SGCD: variants seen among roughly 807,000 people sequenced by gnomAD.
SGCD encodes sarcoglycan delta.
In SGCD, 18 loss-of-function variants were observed where a neutral mutation model predicts 36.6. The observed-to-expected ratio is 0.49, with a 90% CI of 0.34 to 0.73. The LOEUF (loss-of-function observed/expected upper bound fraction) is 0.73, where lower values mean the gene tolerates loss of function less well. Among genes scored for constraint, SGCD ranks in the 30% least tolerant of loss-of-function variants. SGCD has a pLI of 0.01. For missense variants in SGCD, 387 were observed against 346.7 expected, an observed-to-expected ratio of 1.12 and a Z score of -0.92; for synonymous variants, 133 against 130.6, an observed-to-expected ratio of 1.02 and a Z score of -0.12.
At chr5:156,404,216 C>G (rs1012361815) in intron 3 of SGCD, among the ~76,000 whole-genome samples, 1 of 152,178 alleles carries the variant, frequency 6.6e-6, no homozygotes, top group Non-Finnish European at 1.5e-5. Flanking sequence ...CCTTCATCGG[C>G]TTACCTGTAT....
chr5:156,462,207 TA>T (rs149406899), intron 3 of SGCD, among the ~76,000 whole-genome samples: 31,094 of 152,024 alleles, frequency 0.2, 3,331 homozygotes, highest in Non-Finnish European at 0.23. Flanking sequence ...CAGATGACAA[TA>T]ACAATAAAAG....
At chr5:155,728,207 C>CT in the SGCD span, among the ~76,000 whole-genome samples, 2 of 152,116 alleles carry the variant, frequency 1.3e-5, no homozygotes, top group Admixed American at 6.5e-5. Flanking sequence ...CGCTCCCTCC[C>CT]TCCAGCCCCG....
chr5:156,205,035 G>T (rs530836500), intron 3 of SGCD, among the ~76,000 whole-genome samples: 1 of 152,190 alleles, frequency 6.6e-6, no homozygotes, highest in Admixed American at 6.5e-5. Context: ...AATATCAATT[G>T]CTGTTTTGCT....
intron 4 of SGCD, among the ~76,000 whole-genome samples, chr5:156,583,105 A>T (rs5020324): frequency 6.6e-6 from 1 of 152,190 alleles, no homozygotes; most frequent in Non-Finnish European, 1.5e-5. Flanking sequence ...AATTATGAAC[A>T]TTTTCATAAA....
At chr5:156,159,493 CAAAT>C (rs1466965513) in intron 3 of SGCD, among the ~76,000 whole-genome samples, 1 of 151,354 alleles carries the variant, frequency 6.6e-6, no homozygotes, top group East Asian at 1.9e-4. Context: ...CAAAACAAAA[CAAAT>C]AAACAAACAA....
intron 3 of SGCD, among the ~76,000 whole-genome samples, chr5:156,125,839 T>A (rs1040709309): frequency 5.3e-5 from 7 of 131,484 alleles, no homozygotes; most frequent in South Asian, 2.6e-4. Context: ...CACTCATTCT[T>A]TTATTATTAT....
intron 7 of SGCD, among the ~76,000 whole-genome samples, chr5:156,698,514 C>T (rs32089): frequency 0.77 from 117,534 of 152,180 alleles, 46,376 homozygotes; most frequent in Admixed American, 0.86. Flanking sequence ...CAACCTGCTG[C>T]TAATGCAGAA....
upstream of SGCD, chr5:156,326,858 G>A (rs1370202393): frequency 6.6e-6 from 1 of 152,458 alleles, no homozygotes; most frequent in African/African-American, 2.4e-5. Flanking sequence ...CTTTCTGGTT[G>A]TGAGTATGAG....
chr5:156,042,702 C>T (rs906966370), intron 1 of SGCD, among the ~76,000 whole-genome samples: 3 of 152,158 alleles, frequency 2.0e-5, no homozygotes, highest in African/African-American at 4.8e-5. Context: ...ACAGGACCAG[C>T]TGGTGGGCCT....
intron 7 of SGCD, among the ~76,000 whole-genome samples, chr5:156,744,832 A>T (rs1400283019): frequency 1.3e-5 from 2 of 152,160 alleles, no homozygotes; most frequent in African/African-American, 4.8e-5. Context: ...AGTTGAGCTG[A>T]TTTTATCATA....
chr5:156,310,251 G>A (rs937334952), intron 3 of SGCD, among the ~76,000 whole-genome samples: 2 of 152,174 alleles, frequency 1.3e-5, no homozygotes, highest in Non-Finnish European at 2.9e-5. Context: ...AGTTGGTGGC[G>A]AGGCACTGGT....
At chr5:156,194,735 AC>A (rs757762877) in intron 3 of SGCD, among the ~76,000 whole-genome samples, 9 of 152,168 alleles carry the variant, frequency 5.9e-5, no homozygotes, top group Non-Finnish European at 1.2e-4. Flanking sequence ...ATAATATAAA[AC>A]CCTGAAGAAT....
At chr5:155,886,778 C>A (rs1178710787) in intron 1 of SGCD, among the ~76,000 whole-genome samples, 2 of 152,226 alleles carry the variant, frequency 1.3e-5, no homozygotes, top group African/African-American at 2.4e-5. Context: ...AACTTCCCTG[C>A]AGCTTTCAGT....
chr5:155,744,184 A>G, the SGCD span, among the ~76,000 whole-genome samples: 101 of 152,266 alleles, frequency 6.6e-4, no homozygotes, highest in African/African-American at 2.4e-3. Context: ...GGAGCGGGCC[A>G]GGTGTGGTGA....
intron 3 of SGCD, among the ~76,000 whole-genome samples, chr5:156,178,843 G>A (rs1023524899): frequency 6.6e-6 from 1 of 152,178 alleles, no homozygotes; most frequent in African/African-American, 2.4e-5. Flanking sequence ...TGGGATTACA[G>A]GTGTGAGCCA....
chr5:156,227,729 G>C (rs374534176), intron 3 of SGCD, among the ~76,000 whole-genome samples: 2 of 152,024 alleles, frequency 1.3e-5, no homozygotes, highest in African/African-American at 4.8e-5. Flanking sequence ...GAGGTGCAAC[G>C]TTAGATTGTC....
At chr5:155,970,530 GATAA>G (rs1016301555) in intron 1 of SGCD, among the ~76,000 whole-genome samples, 1 of 152,092 alleles carries the variant, frequency 6.6e-6, no homozygotes, top group African/African-American at 2.4e-5. Flanking sequence ...ACAACAAATA[GATAA>G]ATAAATAATT....
At chr5:156,226,316 G>A (rs943553949) in intron 3 of SGCD, among the ~76,000 whole-genome samples, 1 of 152,080 alleles carries the variant, frequency 6.6e-6, no homozygotes, top group African/African-American at 2.4e-5. Flanking sequence ...GAGAACATCC[G>A]ATGTTTGGTT....
At chr5:155,810,451 T>C in the SGCD span, among the ~76,000 whole-genome samples, 1 of 152,168 alleles carries the variant, frequency 6.6e-6, no homozygotes, top group African/African-American at 2.4e-5. Flanking sequence ...CTTCTAAATG[T>C]CAAATTATTT....
Sources: allele counts gnomAD v4.1 joint callset (sites outside exome capture counted in the v4.1 genomes callset), GRCh38; gene constraint gnomAD v4.1.1; transcripts MANE v1.5; gene names NCBI Gene and HGNC (gene_info 2026-07-23, HGNC 2026-07-21).